KIAA0825: variants seen among roughly 807,000 people sequenced by gnomAD.
The protein encoded by KIAA0825 is KIAA0825, also known as uncharacterized protein KIAA0825.
Under a neutral mutation model 147.6 loss-of-function variants are expected in KIAA0825, and 119 were observed. That is an observed-to-expected ratio of 0.81 (90% CI 0.69 to 0.94). The LOEUF (loss-of-function observed/expected upper bound fraction) is 0.94, where lower values mean the gene tolerates loss of function less well. Among genes scored for constraint, KIAA0825 ranks in the 40% least tolerant of loss-of-function variants. KIAA0825 has a pLI of 0.00. For synonymous variants in KIAA0825, 470 were observed against 518.1 expected, an observed-to-expected ratio of 0.91 and a Z score of 1.26; for missense variants, 1,381 against 1,472.7, an observed-to-expected ratio of 0.94 and a Z score of 1.02.
intron 13 of KIAA0825, among the ~76,000 whole-genome samples, chr5:94,441,088 T>C (rs990799138): frequency 1.3e-5 from 2 of 152,048 alleles, no homozygotes; most frequent in Non-Finnish European, 2.9e-5. Context: ...GGGGTATCAC[T>C]GAGAGAGGCA....
intron 20 of KIAA0825, among the ~76,000 whole-genome samples, chr5:94,329,360 G>A (rs1233067134): frequency 6.6e-6 from 1 of 152,120 alleles, no homozygotes; most frequent in Non-Finnish European, 1.5e-5. Context: ...CAGAAAAAAT[G>A]TGAGACTTGA....
intron 14 of KIAA0825, among the ~76,000 whole-genome samples, chr5:94,423,949 A>G (rs531568147): frequency 6.6e-6 from 1 of 152,322 alleles, no homozygotes; most frequent in Admixed American, 6.5e-5. Context: ...AAATTAGTTT[A>G]ATAACATTGA....
rs944984743 is a variant in KIAA0825, at chr5:94,175,181, T to A, written c.3711-21057A>T. ...TTAATTAGAAATTGGCCTGCTGTTT[T>A]GTCTTCCCAATTAGCTCACCCATTA... On this transcript the variant is annotated intron_variant, in intron 20 of 20. Transcript: ENST00000682413. Among the ~76,000 whole-genome samples, 28 of 152,306 alleles carry A rather than the reference T, an allele frequency of 1.8e-4. 1 individual carries two copies. Among genetic ancestry groups the A allele is most frequent in the African/African-American group, 6.7e-4 (28 of 41,582 alleles).
chr5:94,355,663 T>C (rs1784164639), intron 20 of KIAA0825, among the ~76,000 whole-genome samples: 1 of 152,212 alleles, frequency 6.6e-6, no homozygotes, highest in South Asian at 2.1e-4. Context: ...GTCATACATG[T>C]AGACTTACTA....
At chr5:94,526,430 A>G (rs1333432472) in intron 3 of KIAA0825, among the ~76,000 whole-genome samples, 2 of 151,966 alleles carry the variant, frequency 1.3e-5, no homozygotes, top group Non-Finnish European at 2.9e-5. Context: ...TGGTGGGCAC[A>G]GGAGTATTTC....
intron 1 of KIAA0825, among the ~76,000 whole-genome samples, chr5:94,605,592 G>C (rs1433231762): frequency 2.0e-5 from 3 of 152,154 alleles, no homozygotes; most frequent in African/African-American, 7.2e-5. Context: ...TCATTCCCAG[G>C]ATGCAAGGTT....
At chr5:94,296,290 C>T (rs1778133144) in intron 20 of KIAA0825, among the ~76,000 whole-genome samples, 1 of 152,122 alleles carries the variant, frequency 6.6e-6, no homozygotes, top group South Asian at 2.1e-4. Flanking sequence ...TGACTTCATA[C>T]TGCTGTGCTG....
At chr5:94,310,934 A>G (rs1035271196) in intron 20 of KIAA0825, among the ~76,000 whole-genome samples, 2 of 151,730 alleles carry the variant, frequency 1.3e-5, no homozygotes, top group African/African-American at 2.4e-5. Flanking sequence ...ACGACTAACT[A>G]TACACAGAAG....
Position 94,166,747 on chromosome 5 carries a change from A to G in KIAA0825, c.3711-12623T>C, listed in dbSNP as rs1329823815. On this transcript the variant is annotated intron_variant, in intron 20 of 20. Transcript: ENST00000682413. ...GGTCTTGAACTCCTAACCTCAGGTGATCCACCTGCCTCAGCCTCCCAAAGT... is the reference window on the plus strand; with the variant it reads ...GGTCTTGAACTCCTAACCTCAGGTGGTCCACCTGCCTCAGCCTCCCAAAGT... 3.3e-5 allele frequency among the ~76,000 whole-genome samples: 5 copies of G among 151,966 alleles called. No homozygotes were observed. In the South Asian group the frequency reaches 1.0e-3, roughly 32 times the overall value.
intron 20 of KIAA0825, among the ~76,000 whole-genome samples, chr5:94,281,205 A>G (rs1174627004): frequency 2.9e-5 from 1 of 34,194 alleles, no homozygotes. Flanking sequence ...TTTAACACAC[A>G]CACACACACA....
At chr5:94,610,379 C>T (rs1788469912) in intron 1 of KIAA0825, among the ~76,000 whole-genome samples, 1 of 149,868 alleles carries the variant, frequency 6.7e-6, no homozygotes, top group South Asian at 2.1e-4. Flanking sequence ...TGAGATTGCG[C>T]CACTGGATTC....
At position 94,594,609 on chromosome 5, in the gene KIAA0825, G is replaced by C. The variant is rs1014337446; in HGVS notation, c.-152-12026C>G. 14 of 672,478 alleles carry C rather than the reference G, an allele frequency of 2.1e-5. No homozygotes were observed. The African/African-American group carries it at 2.5e-4, about 12-fold the overall frequency. The allele number at this position is 672,478 out of a possible 1,614,324, so 41.7% of individuals were successfully genotyped here. ...TGCTTTGGAATTTTTGGATTCAAAA[G>C]CATTTTGTAGAAATATCCTTCACAT... On this transcript the variant is annotated intron_variant, in intron 1 of 20. Transcript: ENST00000682413.
chr5:94,539,415 T>C (rs1005236096), intron 2 of KIAA0825, among the ~76,000 whole-genome samples: 2 of 152,180 alleles, frequency 1.3e-5, no homozygotes, highest in African/African-American at 4.8e-5. Flanking sequence ...GAACCCTCTG[T>C]TGGGGTCTGG....
intron 20 of KIAA0825, among the ~76,000 whole-genome samples, chr5:94,263,152 A>G (rs1337608009): frequency 6.6e-6 from 1 of 152,060 alleles, no homozygotes; most frequent in African/African-American, 2.4e-5. Context: ...AAATATAAAA[A>G]CCAAGACATC....
At chr5:94,405,036 C>T (rs144661404) in intron 15 of KIAA0825, among the ~76,000 whole-genome samples, 1 of 152,260 alleles carries the variant, frequency 6.6e-6, no homozygotes, top group African/African-American at 2.4e-5. Context: ...AGAACTGTGA[C>T]TCTACTTCCT....
intron 20 of KIAA0825, among the ~76,000 whole-genome samples, chr5:94,336,725 T>A (rs1781843058): frequency 6.6e-6 from 1 of 152,134 alleles, no homozygotes; most frequent in Non-Finnish European, 1.5e-5. Context: ...TAAGCATACG[T>A]GTTCATGTGT....
intron 2 of KIAA0825, among the ~76,000 whole-genome samples, chr5:94,573,434 C>A (rs1190175270): frequency 3.9e-5 from 6 of 152,022 alleles, no homozygotes. Flanking sequence ...CCATGCCCAG[C>A]TAATTTTTTG....
intron 20 of KIAA0825, among the ~76,000 whole-genome samples, chr5:94,273,086 A>AT (rs1186780001): frequency 6.6e-6 from 1 of 152,198 alleles, no homozygotes; most frequent in Non-Finnish European, 1.5e-5. Flanking sequence ...TGGTTCTACC[A>AT]TTTACTAGTC....
chr5:94,576,767 C>T (rs959409509), intron 2 of KIAA0825, among the ~76,000 whole-genome samples: 1 of 152,100 alleles, frequency 6.6e-6, no homozygotes, highest in South Asian at 2.1e-4. Context: ...CATCTACTCA[C>T]GGAAGAATCT....
Sources: allele counts gnomAD v4.1 joint callset (sites outside exome capture counted in the v4.1 genomes callset), GRCh38; gene constraint gnomAD v4.1.1; transcripts MANE v1.5; gene names NCBI Gene and HGNC (gene_info 2026-07-23, HGNC 2026-07-21).